Variants in MTMR1 observed in about 807,000 individuals in gnomAD.
MTMR1 encodes the protein myotubularin related protein 1.
MTMR1 carries 17 observed loss-of-function variants against 51.6 expected under a neutral mutation model. The observed-to-expected ratio is 0.33, with a 90% CI of 0.23 to 0.49. The LOEUF is 0.49. Ranked by LOEUF, MTMR1 falls within the 20% of genes least tolerant of loss-of-function variation. The pLI is 0.99. For missense variants in MTMR1, 386 were observed against 526.9 expected (o/e 0.73, Z 2.62); for synonymous variants, 201 against 205.6 (o/e 0.98, Z 0.19).
At chrX:150,725,089 G>A (rs2041884355) in intron 4 of MTMR1, among the ~76,000 whole-genome samples, 1 of 111,717 alleles carries the variant, frequency 9.0e-6, no homozygotes, top group African/African-American at 3.3e-5. Flanking sequence ...TTTTTAAATA[G>A]TTTTTTTCTA....
intron 13 of MTMR1, among the ~76,000 whole-genome samples, chrX:150,750,073 C>T (rs1288151611): frequency 3.6e-5 from 4 of 110,212 alleles, no homozygotes; most frequent in African/African-American, 6.6e-5. Flanking sequence ...GCCGAGATGG[C>T]GCCATGGTGC....
At chrX:150,720,939 T>C (rs1485651363) in intron 4 of MTMR1, among the ~76,000 whole-genome samples, 2 of 111,943 alleles carry the variant, frequency 1.8e-5, no homozygotes, top group Non-Finnish European at 3.8e-5. Flanking sequence ...AGGTTTTTAC[T>C]ATAGGTGCCC....
chrX:150,726,468 GAAGGCTCTCAGTACAT>G (rs1569565692), intron 4 of MTMR1, among the ~76,000 whole-genome samples: 1 of 111,858 alleles, frequency 8.9e-6, no homozygotes, highest in Non-Finnish European at 1.9e-5. Flanking sequence ...CCCAGCAATA[GAAGGCTCTCAGTACAT>G]AAGGAGTATA....
intron 1 of MTMR1, among the ~76,000 whole-genome samples, chrX:150,696,750 C>A (rs963294009): frequency 1.0e-4 from 9 of 89,540 alleles, no homozygotes; most frequent in Non-Finnish European, 1.7e-4. Flanking sequence ...TTTTTAATCG[C>A]TGTGAGTTCC....
intron 2 of MTMR1, among the ~76,000 whole-genome samples, chrX:150,699,949 C>T (rs1237841227): frequency 8.9e-6 from 1 of 112,360 alleles, no homozygotes; most frequent in Non-Finnish European, 1.9e-5. Context: ...TCAAAAAAAT[C>T]GCTTGTTCCA....
At position 150,764,952 on chromosome X, in the gene MTMR1, G is replaced by GA. The variant is rs1557418416; in HGVS notation, c.*2223_*2224insA. 2.7e-5 allele frequency: 3 copies of GA among 112,321 alleles called. No individual in the cohort carries two copies. The highest frequency in any genetic ancestry group is 3.8e-5 in the Non-Finnish European group (2 of 53,291). 9.3% of individuals were successfully genotyped at this position (112,321 alleles called of 1,213,427 possible). A position where few individuals can be genotyped will look rare whatever the true frequency, so the allele number is the denominator to read the frequency against. ...TCCCTGGTCTTTTTTAAGTAAGTAA[G>GA]TAAGTATCTTAGTAGATTTTTCCTT... On this transcript the variant is annotated 3_prime_UTR_variant, in exon 16 of 16. Transcript: ENST00000445323.
In MTMR1 at chrX:150,730,204, C is replaced by T. The variant is rs371235320; in HGVS notation, c.651C>T (p.Asn217=). 2.5e-5 allele frequency: 29 copies of T among 1,177,415 alleles called. No homozygotes were observed. In the Admixed American group the frequency reaches 2.9e-4, roughly 12 times the overall value. Residue 217 remains asparagine, a synonymous_variant, in exon 7 of 16, where the codon AAC becomes AAT. Coordinates refer to ENST00000445323, the MANE Select transcript of MTMR1 (RefSeq NM_001306144.3). The stretch of plus-strand genomic sequence containing the variant: ...ACAAACATGCATTTCCTCTTTCTAA[C>T]GGACAGGTAAATACACCAGAGTAAA... ...NLNKHAFPLS[N]GQALFAFSYK... is the part of the protein sequence containing the mutation.
chrX:150,717,780 G>A (rs1235344597), intron 3 of MTMR1, among the ~76,000 whole-genome samples: 1 of 112,325 alleles, frequency 8.9e-6, no homozygotes, highest in Non-Finnish European at 1.9e-5. Flanking sequence ...AAACGTGGGC[G>A]TGTATTTTTC....
chrX:150,759,997 C>G (rs2067893648), intron 15 of MTMR1, among the ~76,000 whole-genome samples: 1 of 109,672 alleles, frequency 9.1e-6, no homozygotes, highest in Non-Finnish European at 1.9e-5. Context: ...GGTCCTGAGC[C>G]TCACGGGGAC....
intron 13 of MTMR1, among the ~76,000 whole-genome samples, chrX:150,750,071 G>A (rs2042682315): frequency 9.0e-6 from 1 of 110,993 alleles, no homozygotes; most frequent in African/African-American, 3.3e-5. Context: ...GAGCCGAGAT[G>A]GCGCCATGGT....
intron 4 of MTMR1, among the ~76,000 whole-genome samples, chrX:150,720,664 A>G (rs782105876): frequency 1.8e-5 from 2 of 112,296 alleles, no homozygotes; most frequent in East Asian, 2.8e-4. Flanking sequence ...TGGCTAGATC[A>G]TATGATAGCT....
At chrX:150,714,412 G>C in intron 3 of MTMR1, 2 of 737,167 alleles carry the variant, frequency 2.7e-6, no homozygotes, top group Non-Finnish European at 3.7e-6. Context: ...CCTTTCACCT[G>C]TCTGTTTGCA....
chrX:150,698,993 A>G (rs1557415831), intron 1 of MTMR1, among the ~76,000 whole-genome samples: 5 of 112,351 alleles, frequency 4.5e-5, no homozygotes, highest in Non-Finnish European at 9.4e-5. Context: ...AAATTGGGTG[A>G]TTCATTTAAA....
In MTMR1 at chrX:150,727,282, T is replaced by C. The variant is rs981652342; in HGVS notation, c.420T>C (p.Phe140=). ...AVSGTLTVTD[F]KLYFKNVERD... Reference sequence around the variant, plus strand: ...GTGGAACCCTGACAGTGACGGACTTTAAGCTGTACTTCAAAAATGTCGAGA... The same window carrying C: ...GTGGAACCCTGACAGTGACGGACTTCAAGCTGTACTTCAAAAATGTCGAGA... Residue 140 remains phenylalanine (F), a synonymous_variant, in exon 5 of 16, where the codon TTT becomes TTC. Transcript: ENST00000445323. 8.3e-7 allele frequency: 1 copy of C among 1,206,450 alleles called. No individual in the cohort carries two copies. The highest frequency in any genetic ancestry group is 1.7e-5 in the African/African-American group (1 of 57,208).
chrX:150,701,412 A>C (rs2040902248), intron 2 of MTMR1, among the ~76,000 whole-genome samples: 1 of 111,958 alleles, frequency 8.9e-6, no homozygotes, highest in African/African-American at 3.3e-5. Flanking sequence ...TGATATTTGA[A>C]ATTATCTGTT....
intron 3 of MTMR1, 41 bp from the exon 4 acceptor site, chrX:150,718,584 C>CTTTTTTTTTTT: frequency 7.1e-6 from 1 of 140,133 alleles, no homozygotes. Context: ...GTTTGGTGTC[C>CTTTTTTTTTTT]TTTTTTTTTT....
chrX:150,699,192 T>C lies in MTMR1; in HGVS notation c.147-3T>C, dbSNP rs781946816. On this transcript the variant is annotated splice_region_variant and splice_polypyrimidine_tract_variant and intron_variant, in intron 1 of 15. Transcript: ENST00000445323. ...GTTTTGTAATCCATGCTATTTTTTTTAGTCCCACAGGATCACATGTTGAAT... is the reference window on the plus strand; with the variant it reads ...GTTTTGTAATCCATGCTATTTTTTTCAGTCCCACAGGATCACATGTTGAAT... 3 of 1,151,464 alleles carry C rather than the reference T, an allele frequency of 2.6e-6. No individual in the cohort carries two copies. Among genetic ancestry groups the C allele is most frequent in the Non-Finnish European group, 2.3e-6 (2 of 856,238 alleles). The allele number at this position is 1,151,464 out of a possible 1,213,427, so 94.9% of individuals were successfully genotyped here.
intron 10 of MTMR1, among the ~76,000 whole-genome samples, chrX:150,735,061 C>T (rs1373077139): frequency 8.9e-6 from 1 of 111,842 alleles, no homozygotes; most frequent in Non-Finnish European, 1.9e-5. Flanking sequence ...GGCGATGTGG[C>T]AATAGAGGCA....
At chrX:150,732,005 A>G (rs1397322381) in intron 9 of MTMR1, among the ~76,000 whole-genome samples, 3 of 111,653 alleles carry the variant, frequency 2.7e-5, no homozygotes, top group African/African-American at 9.8e-5. Flanking sequence ...GCTGCGTGGG[A>G]GGGACATCAT....
Sources: allele counts gnomAD v4.1 joint callset (sites outside exome capture counted in the v4.1 genomes callset), GRCh38; gene constraint gnomAD v4.1.1; transcripts MANE v1.5; gene names NCBI Gene and HGNC (gene_info 2026-07-23, HGNC 2026-07-21).